The following ARHGEF1 variants were observed in gnomAD, a reference collection of about 807,000 sequenced individuals.
ARHGEF1 encodes Rho guanine nucleotide exchange factor 1, also known as 115 kDa guanine nucleotide exchange factor.
In ARHGEF1, 40 loss-of-function variants were observed where a neutral mutation model predicts 119.7. The ratio of observed to expected loss-of-function variants is 0.33; its 90% CI spans 0.26 to 0.44. The LOEUF (loss-of-function observed/expected upper bound fraction) is 0.44, where lower values mean the gene tolerates loss of function less well. ARHGEF1 is among the 20% of genes least tolerant of loss of function. The pLI is 1.00. For missense variants in ARHGEF1, 976 were observed against 1,268.3 expected (o/e 0.77, Z 3.50); for synonymous variants, 494 against 521.0 (o/e 0.95, Z 0.71).
At chr19:41,891,942 G>A in intron 4 of ARHGEF1, 83 bp from the exon 5 acceptor site, 3 of 1,202,344 alleles carry the variant, frequency 2.5e-6, no homozygotes, top group Non-Finnish European at 3.5e-6. Context: ...ATGGCCAGGA[G>A]GTGAGGAAGG....
Position 41,903,906 on chromosome 19 carries a change from C to G in ARHGEF1, c.1917+122C>G. 7.4e-7 allele frequency: 1 copy of G among 1,357,564 alleles called. No homozygotes were observed. Among genetic ancestry groups the G allele is most frequent in the East Asian group, 2.4e-5 (1 of 41,692 alleles). The allele number at this position is 1,357,564 out of a possible 1,614,324, so 84.1% of individuals were successfully genotyped here. On this transcript the variant is annotated intron_variant, in intron 20 of 28. Coordinates refer to ENST00000354532, the MANE Select transcript of ARHGEF1 (RefSeq NM_004706.4). This position sits in a 1 kb window ranked among gnomAD's most constrained non-coding sequence, Gnocchi z 4.2. The stretch of plus-strand genomic sequence containing the variant: ...CACCCAGGAAGCGAGAGCTCTGTCC[C>G]CCACCTCATGCCAATCCCATGATCC...
chr19:41,894,107 A>G (rs914226536), intron 8 of ARHGEF1, 100 bp from the exon 9 acceptor site: 6 of 782,970 alleles, frequency 7.7e-6, no homozygotes, highest in Non-Finnish European at 1.1e-5. Context: ...CTCTGCCTCT[A>G]GGGGGAGAGA....
chr19:41,905,861 G>A lies in ARHGEF1; in HGVS notation c.2404+34G>A. On this transcript the variant is annotated intron_variant, in intron 25 of 28. Coordinates refer to ENST00000354532, the MANE Select transcript of ARHGEF1 (RefSeq NM_004706.4). The surrounding 1 kb of genome is among the most constrained non-coding windows in gnomAD (Gnocchi z 6.4). ...AGAGGGATGCTGGGTGAGGGGCCAGGTTGGGGCTGCCGGGTGAAGAGAGGC... is the reference window on the plus strand; with the variant it reads ...AGAGGGATGCTGGGTGAGGGGCCAGATTGGGGCTGCCGGGTGAAGAGAGGC... 6.2e-7 allele frequency: 1 copy of A among 1,614,022 alleles called. No individual in the cohort carries two copies. The highest frequency in any genetic ancestry group is 8.5e-7 in the Non-Finnish European group (1 of 1,179,910).
In ARHGEF1 at chr19:41,917,541, A is replaced by T. The variant is rs578171271; in HGVS notation, c.1866-5551A>T. On this transcript the variant is annotated intron_variant, in intron 18 of 20. Transcript: ENST00000599589. This position sits in a 1 kb window ranked among gnomAD's most constrained non-coding sequence, Gnocchi z 4.8. ...CGGAATGAAAATTGATTTTTTTTTTAAATTTCATATCTTCTCCGGGGCTCT... is the reference window on the plus strand; with the variant it reads ...CGGAATGAAAATTGATTTTTTTTTTTAATTTCATATCTTCTCCGGGGCTCT... 3.3e-4 allele frequency among the ~76,000 whole-genome samples: 43 copies of T among 128,556 alleles called. No individual in the cohort carries two copies. Among genetic ancestry groups the T allele is most frequent in the East Asian group, 3.1e-3 (13 of 4,208 alleles). 84.3% of individuals were successfully genotyped at this position (128,556 alleles called of 152,430 possible).
At chr19:41,884,189 C>A (rs1344931650) in intron 1 of ARHGEF1, among the ~76,000 whole-genome samples, 1 of 152,144 alleles carries the variant, frequency 6.6e-6, no homozygotes, top group African/African-American at 2.4e-5. Flanking sequence ...GGGGCGGGGC[C>A]CGGGGAGTGA....
rs374568262 is a variant in ARHGEF1 at position 41,903,842 on chromosome 19, G to A, written c.1917+58G>A. 3.0e-4 allele frequency: 466 copies of A among 1,567,846 alleles called. No individual in the cohort carries two copies. The highest frequency in any genetic ancestry group is 3.8e-4 in the Non-Finnish European group (432 of 1,141,180). On this transcript the variant is annotated intron_variant, in intron 20 of 28. Coordinates refer to ENST00000354532, the MANE Select transcript of ARHGEF1 (RefSeq NM_004706.4). The surrounding 1 kb of genome is among the most constrained non-coding windows in gnomAD (Gnocchi z 4.2). ...CCTACTCCTTGGCCCAGGGGATTCT[G>A]TGATACAGCCCCCAGCCTGTCCTGC...
chr19:41,894,154 G>GTGTT (rs1443260608), intron 8 of ARHGEF1, 53 bp from the exon 9 acceptor site: 1 of 1,047,002 alleles, frequency 9.6e-7, no homozygotes, highest in African/African-American at 1.7e-5. Context: ...GTGTGTGTGT[G>GTGTT]TGTGTGTGTG....
chr19:41,895,813 G>C (rs916592978), intron 12 of ARHGEF1, among the ~76,000 whole-genome samples: 3 of 152,032 alleles, frequency 2.0e-5, no homozygotes, highest in Non-Finnish European at 4.4e-5. Context: ...GAGCTGCATT[G>C]CTGGCCCCCT....
At chr19:41,909,849 A>T, downstream of ARHGEF1, 1 of 1,598,260 alleles carries the variant, frequency 6.3e-7, no homozygotes, top group Non-Finnish European at 8.5e-7. This position sits in a 1 kb window ranked among gnomAD's most constrained non-coding sequence, Gnocchi z 5.2. Context: ...ATCCAGCCCC[A>T]AGCCCTTCCT....
intron 13 of ARHGEF1, chr19:41,898,082 A>T: frequency 7.4e-7 from 1 of 1,359,652 alleles, no homozygotes; most frequent in African/African-American, 1.5e-5. Context: ...CAGTTCCGCC[A>T]CGGCAGTGCT....
intron 14 of ARHGEF1, among the ~76,000 whole-genome samples, chr19:41,899,932 A>AC (rs1286565946): frequency 6.6e-6 from 1 of 152,008 alleles, no homozygotes; most frequent in East Asian, 1.9e-4. Context: ...AAAAAAAAAA[A>AC]AAACATGAGC....
exon 3 of ARHGEF1, chr19:41,929,814 G>A (rs756762157): frequency 1.3e-5 from 2 of 152,332 alleles, no homozygotes; most frequent in African/African-American, 2.4e-5. Flanking sequence ...CAGCTCTGTC[G>A]GATCTCACCA....
At chr19:41,909,708 T>C (rs1369802255), downstream of ARHGEF1, among the ~76,000 whole-genome samples, 2 of 152,010 alleles carry the variant, frequency 1.3e-5, no homozygotes, top group Non-Finnish European at 2.9e-5. This position sits in a 1 kb window ranked among gnomAD's most constrained non-coding sequence, Gnocchi z 5.2. Context: ...CCTCCTCGCC[T>C]CCCTTCCACT....
In ARHGEF1 at chr19:41,902,172, G is replaced by T; in HGVS notation, c.1415-102G>T. The T allele has an allele frequency of 6.4e-7, 1 of 1,562,412 alleles. No homozygotes were observed. On this transcript the variant is annotated intron_variant, in intron 15 of 28. Coordinates refer to ENST00000354532, the MANE Select transcript of ARHGEF1 (RefSeq NM_004706.4). The surrounding 1 kb of genome is among the most constrained non-coding windows in gnomAD (Gnocchi z 6.5). ...ATACGCCATCCGGTCCCGAGGATCAGACACAGACACACCTGCAGCCCTACC... is the reference window on the plus strand; with the variant it reads ...ATACGCCATCCGGTCCCGAGGATCATACACAGACACACCTGCAGCCCTACC...
At chr19:41,901,824 A>G in intron 14 of ARHGEF1, 63 bp from the exon 15 acceptor site, 1 of 1,568,170 alleles carries the variant, frequency 6.4e-7, no homozygotes, top group East Asian at 2.3e-5. Flanking sequence ...TAGCCTGCCC[A>G]TGAGGTCATG....
In ARHGEF1 at chr19:41,889,017, CAA is replaced by C. The variant is rs1378133036; in HGVS notation, c.225+153_225+154del. 1 of 676,596 alleles carries C rather than the reference CAA, an allele frequency of 1.5e-6. No homozygotes were observed. Among genetic ancestry groups the C allele is most frequent in the African/African-American group, 1.8e-5 (1 of 55,278 alleles). The allele number at this position is 676,596 out of a possible 1,614,324, so 41.9% of individuals were successfully genotyped here. ...ATCTAGAAAGAGAGAATGCTTTAGA[CAA>C]GAGCCAGAAAGCATGCCACGTGACC... On this transcript the variant is annotated intron_variant, in intron 4 of 28. Coordinates refer to ENST00000354532, the MANE Select transcript of ARHGEF1 (RefSeq NM_004706.4). The surrounding 1 kb of genome is among the most constrained non-coding windows in gnomAD (Gnocchi z 4.0).
At chr19:41,898,410 A>G (rs2074547213) in intron 13 of ARHGEF1, 32 bp from the exon 14 acceptor site, 1 of 1,548,930 alleles carries the variant, frequency 6.5e-7, no homozygotes, top group Non-Finnish European at 8.7e-7. Context: ...GGATGGCCCA[A>G]GCTGGGGCCC....
At chr19:41,925,001 CG>C in intron 1 of ARHGEF1, among the ~76,000 whole-genome samples, 1 of 152,082 alleles carries the variant, frequency 6.6e-6, no homozygotes, top group African/African-American at 2.4e-5. Context: ...AAAGGGACTC[CG>C]GTCACATGGA....
chr19:41,902,930 T>G lies in ARHGEF1; in HGVS notation c.1738+32T>G, dbSNP rs918833840. The stretch of plus-strand genomic sequence containing the variant: ...CGGGCCTGGATCTCTGGGCCTCGGC[T>G]CTCCTCTTTTTTTTTTACATTTTTT... On this transcript the variant is annotated intron_variant, in intron 18 of 28. Transcript: ENST00000354532. The surrounding 1 kb of genome is among the most constrained non-coding windows in gnomAD (Gnocchi z 6.5). 4.4e-5 allele frequency: 66 copies of G among 1,510,904 alleles called. No homozygotes were observed. The highest frequency in any genetic ancestry group is 5.1e-5 in the Non-Finnish European group (57 of 1,119,262). The allele number at this position is 1,510,904 out of a possible 1,614,324, so 93.6% of individuals were successfully genotyped here. A position where few individuals can be genotyped will look rare whatever the true frequency, so the allele number is the denominator to read the frequency against.
Sources: gnomAD v4.1 joint callset for allele counts (sites outside exome capture counted in the v4.1 genomes callset) on GRCh38, gnomAD v4.1.1 for gene constraint, Gnocchi (gnomAD v3.1) non-coding constraint, MANE v1.5 for transcripts, NCBI Gene and HGNC (gene_info 2026-07-23, HGNC 2026-07-21) for gene names.